Variants in SLC24A2 observed in about 807,000 individuals in gnomAD.
The protein encoded by SLC24A2 is sodium/potassium/calcium exchanger 2.
In SLC24A2, 36 loss-of-function variants were observed where a neutral mutation model predicts 62.0. The ratio of observed to expected loss-of-function variants is 0.58; its 90% confidence interval spans 0.44 to 0.77. SLC24A2 has a LOEUF of 0.77. Ranked by LOEUF, SLC24A2 falls within the 30% of genes least tolerant of loss-of-function variation. The pLI, the probability that SLC24A2 is intolerant of heterozygous loss-of-function variation, is 0.00. For synonymous variants in SLC24A2, 358 were observed against 294.0 expected (o/e 1.22, Z -2.23); for missense variants, 846 against 817.9 (o/e 1.03, Z -0.42).
the SLC24A2 span, among the ~76,000 whole-genome samples, chr9:20,202,050 GGT>G: frequency 0.15 from 20,598 of 141,472 alleles, 1,436 homozygotes; most frequent in South Asian, 0.19. Context: ...CCCATTTCAT[GGT>G]GTGTGTGTGT....
chr9:19,520,798 T>C, intron 10 of SLC24A2, 96 bp downstream of exon 10: 1 of 1,145,410 alleles, frequency 8.7e-7, no homozygotes, highest in South Asian at 1.2e-5. Context: ...TGGTTAGTCT[T>C]AGGTTCAGAG....
chr9:19,964,366 AAAT>A, the SLC24A2 span, among the ~76,000 whole-genome samples: 3 of 151,398 alleles, frequency 2.0e-5, no homozygotes, highest in African/African-American at 2.4e-5. Flanking sequence ...ACTTAAAGTA[AAAT>A]AATAATAATA....
At chr9:20,101,482 G>A in the SLC24A2 span, among the ~76,000 whole-genome samples, 1 of 152,200 alleles carries the variant, frequency 6.6e-6, no homozygotes, top group Non-Finnish European at 1.5e-5. Flanking sequence ...AGCCTCCTTA[G>A]TTAAGAAATA....
chr9:19,764,572 T>C (rs557657037), intron 2 of SLC24A2, among the ~76,000 whole-genome samples: 1 of 152,360 alleles, frequency 6.6e-6, no homozygotes, highest in African/African-American at 2.4e-5. Context: ...CAGTAGTCAT[T>C]CAGGAGCAAG....
At chr9:19,920,193 T>C in the SLC24A2 span, among the ~76,000 whole-genome samples, 1 of 152,196 alleles carries the variant, frequency 6.6e-6, no homozygotes, top group Non-Finnish European at 1.5e-5. Flanking sequence ...TGCAGGGGCA[T>C]AGAAATAAAT....
Position 19,537,122 on chromosome 9 carries a change from G to C in SLC24A2, c.1480-8984C>G, listed in dbSNP as rs576172382. ...TATTAGCCCTTTGTGAGATGAGTAGGTTGCGAAAATTTTCTCCCATGTTGT... is the reference window on the plus strand; with the variant it reads ...TATTAGCCCTTTGTGAGATGAGTAGCTTGCGAAAATTTTCTCCCATGTTGT... On this transcript the variant is annotated intron_variant, in intron 8 of 10. Transcript: ENST00000341998. Among the ~76,000 whole-genome samples the C allele has an allele frequency of 4.0e-5, 6 of 151,358 alleles. No homozygotes were observed. In the South Asian group the frequency reaches 1.3e-3, roughly 32 times the overall value.
chr9:19,799,983 C>T, the SLC24A2 span, among the ~76,000 whole-genome samples: 19 of 152,160 alleles, frequency 1.2e-4, no homozygotes, highest in Admixed American at 1.1e-3. Flanking sequence ...TTTCTAGCTT[C>T]GGCGGCTCTG....
At chr9:20,105,210 T>G in the SLC24A2 span, among the ~76,000 whole-genome samples, 77 of 152,152 alleles carry the variant, frequency 5.1e-4, no homozygotes, top group South Asian at 1.5e-3. Context: ...AGTCCTGAGT[T>G]ACCTACAAAG....
At chr9:20,024,999 T>G in the SLC24A2 span, among the ~76,000 whole-genome samples, 1 of 152,200 alleles carries the variant, frequency 6.6e-6, no homozygotes, top group Non-Finnish European at 1.5e-5. Flanking sequence ...GCCAGTGGTG[T>G]TCAAAGCTTT....
chr9:19,969,212 C>CACACACAT, the SLC24A2 span, among the ~76,000 whole-genome samples: 3 of 151,446 alleles, frequency 2.0e-5, no homozygotes, highest in Non-Finnish European at 4.4e-5. Flanking sequence ...CACACACACA[C>CACACACAT]ACACACACAC....
the SLC24A2 span, among the ~76,000 whole-genome samples, chr9:19,846,916 G>A: frequency 6.6e-6 from 1 of 152,018 alleles, no homozygotes; most frequent in Non-Finnish European, 1.5e-5. Flanking sequence ...CAGCTACTCG[G>A]GAGGCTGAGG....
At chr9:19,654,449 A>T (rs1012507520) in intron 2 of SLC24A2, among the ~76,000 whole-genome samples, 1 of 152,062 alleles carries the variant, frequency 6.6e-6, no homozygotes, top group East Asian at 1.9e-4. Flanking sequence ...TTTCTCCTCA[A>T]CTGGTTAGTG....
the SLC24A2 span, among the ~76,000 whole-genome samples, chr9:20,160,647 T>G: frequency 6.6e-6 from 1 of 151,160 alleles, no homozygotes; most frequent in Non-Finnish European, 1.5e-5. Flanking sequence ...AATTATAAAA[T>G]ATTCTATTAA....
At chr9:19,885,483 T>A in the SLC24A2 span, among the ~76,000 whole-genome samples, 24 of 152,332 alleles carry the variant, frequency 1.6e-4, no homozygotes, top group African/African-American at 5.5e-4. Flanking sequence ...AGAAACTCTA[T>A]GAAAGTTCGT....
At chr9:19,883,899 A>C in the SLC24A2 span, among the ~76,000 whole-genome samples, 53 of 152,150 alleles carry the variant, frequency 3.5e-4, no homozygotes, top group Non-Finnish European at 7.3e-4. Context: ...CCATATATAG[A>C]CAGAAATTGG....
At chr9:19,591,323 G>C (rs1050178263) in intron 5 of SLC24A2, among the ~76,000 whole-genome samples, 2 of 152,158 alleles carry the variant, frequency 1.3e-5, no homozygotes, top group African/African-American at 4.8e-5. Flanking sequence ...TCTATTCTCA[G>C]TCTTCTCCAC....
chr9:19,618,146 T>C (rs1817817000), intron 4 of SLC24A2, among the ~76,000 whole-genome samples: 1 of 152,208 alleles, frequency 6.6e-6, no homozygotes, highest in Non-Finnish European at 1.5e-5. Flanking sequence ...CTATAGATGA[T>C]GAAACCAAAT....
chr9:19,570,293 C>G (rs573599888), intron 7 of SLC24A2, among the ~76,000 whole-genome samples: 5 of 152,300 alleles, frequency 3.3e-5, no homozygotes, highest in South Asian at 4.1e-4. Flanking sequence ...GGTTTTACAC[C>G]TTTGCACATG....
At chr9:19,736,015 A>G (rs1360429349) in intron 2 of SLC24A2, among the ~76,000 whole-genome samples, 1 of 152,178 alleles carries the variant, frequency 6.6e-6, no homozygotes, top group Non-Finnish European at 1.5e-5. Context: ...AAAAAAAAGA[A>G]TTAAAATATG....
Sources: allele counts gnomAD v4.1 joint callset (sites outside exome capture counted in the v4.1 genomes callset), GRCh38; gene constraint gnomAD v4.1.1; transcripts MANE v1.5; gene names NCBI Gene and HGNC (gene_info 2026-07-23, HGNC 2026-07-21).